PLEKHG1: variants seen among roughly 807,000 people sequenced by gnomAD.
PLEKHG1 encodes the protein pleckstrin homology domain-containing family G member 1.
Under a neutral mutation model 100.8 loss-of-function variants are expected in PLEKHG1, and 44 were observed. That is an observed-to-expected ratio of 0.44 (90% CI 0.34 to 0.56). The LOEUF (loss-of-function observed/expected upper bound fraction) is 0.56, where lower values mean the gene tolerates loss of function less well. Ranked by LOEUF, PLEKHG1 falls within the 20% of genes least tolerant of loss-of-function variation. The pLI, the probability that PLEKHG1 is intolerant of heterozygous loss-of-function variation, is 0.01. For synonymous variants in PLEKHG1, 640 were observed against 662.5 expected, an observed-to-expected ratio of 0.97 and a Z score of 0.52; for missense variants, 1,545 against 1,720.9, an observed-to-expected ratio of 0.90 and a Z score of 1.81.
At chr6:150,830,611 G>T in exon 15 of PLEKHG1, 1 of 1,605,888 alleles carries the variant, frequency 6.2e-7, no homozygotes, top group Non-Finnish European at 8.5e-7. Context: ...CTCCCCAGCT[G>T]TCTTCAGCAA....
intron 1 of PLEKHG1, among the ~76,000 whole-genome samples, chr6:150,727,279 C>G (rs1193005200): frequency 1.3e-5 from 2 of 152,186 alleles, no homozygotes; most frequent in East Asian, 3.8e-4. Flanking sequence ...CTAAGTTTCT[C>G]CTTGGGAGTT....
intron 10 of PLEKHG1, among the ~76,000 whole-genome samples, chr6:150,810,271 G>T (rs1787413485): frequency 6.7e-6 from 1 of 149,504 alleles, no homozygotes; most frequent in Non-Finnish European, 1.5e-5. Context: ...CTGCACTCCA[G>T]CCTGGGTGAC....
At chr6:150,750,343 A>G (rs1261228988) in intron 2 of PLEKHG1, among the ~76,000 whole-genome samples, 3 of 152,170 alleles carry the variant, frequency 2.0e-5, no homozygotes, top group Non-Finnish European at 4.4e-5. Flanking sequence ...GGGAGCTTGT[A>G]CAATTCCCTC....
chr6:150,823,916 T>C (rs1326525823), intron 14 of PLEKHG1, among the ~76,000 whole-genome samples: 1 of 152,220 alleles, frequency 6.6e-6, no homozygotes, highest in Admixed American at 6.5e-5. Flanking sequence ...TATTTATTCA[T>C]CCTCTGCCCC....
intron 1 of PLEKHG1, among the ~76,000 whole-genome samples, chr6:150,603,073 C>A (rs1168181840): frequency 1.5e-5 from 1 of 65,402 alleles, no homozygotes; most frequent in African/African-American, 5.0e-5. Context: ...CAGCGAGACT[C>A]CGTCTCAAAA....
chr6:150,606,127 T>G (rs1470804901), intron 1 of PLEKHG1, among the ~76,000 whole-genome samples: 1 of 152,226 alleles, frequency 6.6e-6, no homozygotes, highest in Admixed American at 6.5e-5. Context: ...ACATTTACTT[T>G]GGTGAAACCT....
intron 3 of PLEKHG1, among the ~76,000 whole-genome samples, chr6:150,659,141 C>A (rs1235757633): frequency 6.7e-6 from 1 of 150,214 alleles, no homozygotes; most frequent in East Asian, 1.9e-4. Flanking sequence ...GGTTCTCTCT[C>A]TCTCTCTCTC....
At chr6:150,698,349 T>G (rs1030431768) in intron 3 of PLEKHG1, among the ~76,000 whole-genome samples, 1 of 152,196 alleles carries the variant, frequency 6.6e-6, no homozygotes, top group Non-Finnish European at 1.5e-5. Context: ...ACTTTTGGAT[T>G]AGGGACGCTC....
intron 3 of PLEKHG1, among the ~76,000 whole-genome samples, chr6:150,669,108 C>T (rs1487377988): frequency 6.6e-6 from 1 of 152,120 alleles, no homozygotes; most frequent in Admixed American, 6.5e-5. Flanking sequence ...CCTGTAAACA[C>T]TGATGTTCAT....
chr6:150,617,304 T>C (rs1777112698), intron 1 of PLEKHG1, among the ~76,000 whole-genome samples: 1 of 152,224 alleles, frequency 6.6e-6, no homozygotes, highest in Admixed American at 6.5e-5. Flanking sequence ...TTAAGAGACT[T>C]CCTTTTTAAA....
intron 3 of PLEKHG1, among the ~76,000 whole-genome samples, chr6:150,770,241 T>G (rs907080291): frequency 6.6e-6 from 1 of 152,198 alleles, no homozygotes; most frequent in Non-Finnish European, 1.5e-5. Flanking sequence ...CTTGGCTTAC[T>G]AAAATTGGTA....
At chr6:150,676,227 A>G (rs1384804587) in intron 3 of PLEKHG1, among the ~76,000 whole-genome samples, 1 of 152,252 alleles carries the variant, frequency 6.6e-6, no homozygotes, top group Non-Finnish European at 1.5e-5. Flanking sequence ...GACTTAATTC[A>G]TGTGCCCACA....
intron 1 of PLEKHG1, among the ~76,000 whole-genome samples, chr6:150,727,540 A>G (rs1182942291): frequency 6.6e-6 from 1 of 152,208 alleles, no homozygotes; most frequent in South Asian, 2.1e-4. Context: ...CATGAAGTAA[A>G]AAGTATGAAA....
exon 2 of PLEKHG1, chr6:150,733,999 C>T (rs1217225786): frequency 1.2e-6 from 2 of 1,614,152 alleles, no homozygotes; most frequent in Non-Finnish European, 1.7e-6. Context: ...CAGACTCGGC[C>T]ACGAGCCCCA....
rs374627214 is a variant in PLEKHG1, at chr6:150,824,876, AT to A, written c.1470+1209del. On this transcript the variant is annotated intron_variant, in intron 14 of 15. Transcript: ENST00000358517. ...TGATTGTCATGGCTGAGGTGTGCGC[AT>A]TTTTTTTTCAGGTAGTACATGCTTT... is the stretch of plus-strand genomic sequence containing the variant. Among the ~76,000 whole-genome samples the A allele has an allele frequency of 1.1e-3, 168 of 150,794 alleles. 1 individual carries two copies. The highest frequency in any genetic ancestry group is 3.8e-3 in the African/African-American group (155 of 41,106).
At chr6:150,635,720 A>T (rs145971372) in intron 1 of PLEKHG1, among the ~76,000 whole-genome samples, 54 of 152,330 alleles carry the variant, frequency 3.5e-4, no homozygotes, top group African/African-American at 1.3e-3. Flanking sequence ...GGGAGCATAA[A>T]TAAACTGTTA....
intron 2 of PLEKHG1, among the ~76,000 whole-genome samples, chr6:150,639,596 A>G (rs1778163870): frequency 6.6e-6 from 1 of 151,746 alleles, no homozygotes; most frequent in African/African-American, 2.4e-5. Context: ...TTTCAATGAG[A>G]CAATGAAGCA....
chr6:150,812,252 T>C (rs973178879), intron 10 of PLEKHG1, among the ~76,000 whole-genome samples: 18 of 152,236 alleles, frequency 1.2e-4, no homozygotes, highest in African/African-American at 4.3e-4. Flanking sequence ...CTAGAGGCAG[T>C]AATTGAAGCC....
intron 3 of PLEKHG1, among the ~76,000 whole-genome samples, chr6:150,713,559 G>T (rs907772280): frequency 6.6e-6 from 1 of 152,164 alleles, no homozygotes; most frequent in Non-Finnish European, 1.5e-5. Flanking sequence ...CCTTAGGAGT[G>T]GGGGAAGAAG....
Sources: gnomAD v4.1 joint callset for allele counts (sites outside exome capture counted in the v4.1 genomes callset) on GRCh38, gnomAD v4.1.1 for gene constraint, MANE v1.5 for transcripts, NCBI Gene and HGNC (gene_info 2026-07-23, HGNC 2026-07-21) for gene names.